The following MEI1 variants were observed in gnomAD, a reference collection of about 807,000 sequenced individuals.
MEI1 encodes meiosis inhibitor protein 1.
MEI1 carries 103 observed loss-of-function variants against 146.2 expected under a neutral mutation model. The observed-to-expected ratio is 0.70, with a 90% CI of 0.60 to 0.83. MEI1 has a LOEUF of 0.83. Among genes scored for constraint, MEI1 ranks in the 40% least tolerant of loss-of-function variants. The pLI is 0.00. For missense variants in MEI1, 1,529 were observed against 1,533.0 expected (o/e 1.00, Z 0.04); for synonymous variants, 652 against 628.2 (o/e 1.04, Z -0.57).
At chr22:41,751,037 G>C (rs2073715378) in intron 15 of MEI1, among the ~76,000 whole-genome samples, 1 of 152,038 alleles carries the variant, frequency 6.6e-6, no homozygotes, top group Non-Finnish European at 1.5e-5. Flanking sequence ...GATCTGTGTA[G>C]CATGAAGCCA....
chr22:41,794,172 A>G (rs749567937), intron 27 of MEI1, among the ~76,000 whole-genome samples, 199 bp from the exon 28 acceptor site: 1 of 152,318 alleles, frequency 6.6e-6, no homozygotes, highest in Middle Eastern at 3.4e-3. Flanking sequence ...TTCCACAATC[A>G]TGGCGTATAT....
chr22:41,760,503 T>C (rs1403667912), intron 18 of MEI1, among the ~76,000 whole-genome samples: 1 of 151,970 alleles, frequency 6.6e-6, no homozygotes, highest in Non-Finnish European at 1.5e-5. Flanking sequence ...AGTGATACTC[T>C]GTCTCAAAAA....
At position 41,718,118 on chromosome 22, in the gene MEI1, G is replaced by T. The variant is rs144610208; in HGVS notation, c.577G>T (p.Gly193Cys). The T allele has an allele frequency of 9.3e-6, 15 of 1,613,446 alleles. No individual in the cohort carries two copies. In the African/African-American group the frequency reaches 1.3e-4, roughly 14 times the overall value. The change falls in exon 6 of 31, where the codon GGC (glycine) becomes TGC (cysteine). Residue 193 changes from glycine (G) to cysteine (C), a missense_variant. By Grantham distance (159) the Gly-to-Cys change is radical. This residue lies in a region of MEI1 where 1,212 missense variants were observed against 1,178.9 expected (regional missense o/e 1.03). Transcript: ENST00000401548. ...GAGAGGCTTAGTATACCCCAGTGAGGGCATACAAGCTTCTGTCTGTTACCT... is the reference window on the plus strand; with the variant it reads ...GAGAGGCTTAGTATACCCCAGTGAGTGCATACAAGCTTCTGTCTGTTACCT... ...LLRGLVYPSEGIQASVCYLYG... is the reference protein window; with the variant it reads ...LLRGLVYPSECIQASVCYLYG...
At chr22:41,760,370 G>A (rs1448765992) in intron 18 of MEI1, among the ~76,000 whole-genome samples, 11 of 151,244 alleles carry the variant, frequency 7.3e-5, no homozygotes, top group African/African-American at 2.2e-4. Context: ...TCATCCGGGC[G>A]TGGTGGCAGG....
In MEI1 at chr22:41,724,029, G is replaced by A. The variant is rs368775604; in HGVS notation, c.820G>A (p.Glu274Lys). ...ACTGGGAGAAAGTGCTAAGAATATCGAAGGGTCATCAGGAAATACCTCACT... is the reference window on the plus strand; with the variant it reads ...ACTGGGAGAAAGTGCTAAGAATATCAAAGGGTCATCAGGAAATACCTCACT... Reference protein sequence around the residue: ...DGLGESAKNIEGSSGNTSLPL... With the variant: ...DGLGESAKNIKGSSGNTSLPL... Residue 274 changes from glutamate to lysine, a missense_variant, in exon 7 of 31, where the codon GAA becomes AAA. Physicochemically the swap from Glu to Lys is moderately conservative, Grantham distance 56 (BLOSUM62 1). Around this residue, in one of 3 missense-constraint regions of MEI1, gnomAD observed 1,212 missense variants for 1,178.9 expected, o/e 1.03. Transcript: ENST00000401548. The A allele has an allele frequency of 1.1e-5, 17 of 1,613,784 alleles. No individual in the cohort carries two copies. Among genetic ancestry groups the A allele is most frequent in the Non-Finnish European group, 1.4e-5 (16 of 1,179,832 alleles).
At chr22:41,777,484 G>C (rs1283517367) in intron 21 of MEI1, among the ~76,000 whole-genome samples, 1 of 152,168 alleles carries the variant, frequency 6.6e-6, no homozygotes, top group African/African-American at 2.4e-5. Context: ...CAAAGCGAAA[G>C]GCAATCTGTG....
At chr22:41,717,396 C>G (rs575530146) in intron 5 of MEI1, among the ~76,000 whole-genome samples, 4 of 151,962 alleles carry the variant, frequency 2.6e-5, no homozygotes, top group African/African-American at 7.3e-5. Context: ...CTCCTGACTT[C>G]AAGTGATCTG....
chr22:41,743,410 T>G (rs372775750), intron 12 of MEI1, among the ~76,000 whole-genome samples: 1 of 151,788 alleles, frequency 6.6e-6, no homozygotes, highest in African/African-American at 2.4e-5. Context: ...CCACGAGGGT[T>G]AAATAATTTT....
intron 3 of MEI1, among the ~76,000 whole-genome samples, chr22:41,710,143 AC>A (rs1472728958): frequency 1.3e-5 from 2 of 152,040 alleles, no homozygotes; most frequent in African/African-American, 4.8e-5. Context: ...ATTTGAACAC[AC>A]ACACAGAGAC....
intron 3 of MEI1, among the ~76,000 whole-genome samples, chr22:41,712,633 A>G (rs555997764): frequency 1.1e-3 from 161 of 151,204 alleles, no homozygotes; most frequent in African/African-American, 3.6e-3. Flanking sequence ...TAAAGTATAA[A>G]ACATTTAAAT....
rs373512287 is a variant in MEI1 at position 41,760,171 on chromosome 22, G to A, written c.2120+1638G>A. ...AAAAATACAAAAAAATTAGCCGGGC[G>A]TGGTGGTGGGTGCCTGTAGTCCCAG... On this transcript the variant is annotated intron_variant, in intron 18 of 30. Coordinates refer to ENST00000401548, the MANE Select transcript of MEI1 (RefSeq NM_152513.4). Among the ~76,000 whole-genome samples, 18 of 151,272 alleles carry A rather than the reference G, an allele frequency of 1.2e-4. 1 individual carries two copies. In the East Asian group the frequency reaches 2.2e-3, roughly 18 times the overall value.
intron 2 of MEI1, 133 bp downstream of exon 2, chr22:41,703,587 G>A: frequency 1.2e-6 from 1 of 843,372 alleles, no homozygotes; most frequent in Non-Finnish European, 1.7e-6. Flanking sequence ...AAATTGTTTT[G>A]TCATAATGAT....
intron 11 of MEI1, among the ~76,000 whole-genome samples, chr22:41,740,919 C>A (rs761937365): frequency 3.9e-5 from 6 of 151,914 alleles, no homozygotes; most frequent in Non-Finnish European, 7.4e-5. Context: ...CAGTGCTCAA[C>A]AAAGGCTCAG....
chr22:41,727,737 G>A (rs547563672), intron 7 of MEI1, among the ~76,000 whole-genome samples: 1 of 152,212 alleles, frequency 6.6e-6, no homozygotes, highest in African/African-American at 2.4e-5. Context: ...AGGTGCATGG[G>A]GCGAAGTCTG....
At chr22:41,786,653 G>T (rs2075996356) in intron 26 of MEI1, among the ~76,000 whole-genome samples, 1 of 152,180 alleles carries the variant, frequency 6.6e-6, no homozygotes, top group South Asian at 2.1e-4. Flanking sequence ...CCATGGCTGG[G>T]GCATGGGATG....
chr22:41,741,260 C>A (rs546055507), intron 11 of MEI1, among the ~76,000 whole-genome samples: 15 of 152,250 alleles, frequency 9.9e-5, no homozygotes, highest in Admixed American at 3.3e-4. Context: ...TTTCTAGCCT[C>A]CAGAACTGTG....
intron 26 of MEI1, among the ~76,000 whole-genome samples, chr22:41,790,093 T>C (rs1329113389): frequency 1.3e-5 from 2 of 152,360 alleles, no homozygotes; most frequent in East Asian, 3.9e-4. Flanking sequence ...TTTTTTGTTT[T>C]GTTTTTTGAG....
intron 20 of MEI1, chr22:41,774,034 A>T (rs2075320741): frequency 6.6e-6 from 1 of 152,194 alleles, no homozygotes; most frequent in Non-Finnish European, 1.5e-5. Flanking sequence ...TGGGTAATTA[A>T]CAGCTGAAAA....
chr22:41,738,360 G>A (rs1042863688), intron 11 of MEI1, among the ~76,000 whole-genome samples: 8 of 151,994 alleles, frequency 5.3e-5, no homozygotes, highest in African/African-American at 1.7e-4. Flanking sequence ...AGGCCGAGGC[G>A]GGCGGATCAC....
Sources: gnomAD v4.1 joint callset for allele counts (sites outside exome capture counted in the v4.1 genomes callset) on GRCh38, gnomAD v4.1.1 for gene constraint, gnomAD v4.1.1 regional missense constraint, MANE v1.5 for transcripts, NCBI Gene and HGNC (gene_info 2026-07-23, HGNC 2026-07-21) for gene names.